ARAP1: variants seen among roughly 807,000 people sequenced by gnomAD.
ARAP1 encodes the protein arf-GAP with Rho-GAP domain, ANK repeat and PH domain-containing protein 1.
A neutral mutation model predicts 172.2 loss-of-function variants in ARAP1; 76 were observed. The ratio of observed to expected loss-of-function variants is 0.44; its 90% CI spans 0.37 to 0.53. The LOEUF (loss-of-function observed/expected upper bound fraction) is 0.53. ARAP1 is among the 20% of genes least tolerant of loss of function. The probability of loss-of-function intolerance (pLI) is 0.00; values close to 1 mark genes in which losing one functional copy is unlikely to be tolerated. For missense variants in ARAP1, 1,686 were observed against 1,977.5 expected (o/e 0.85, Z 2.80); for synonymous variants, 804 against 803.3 (o/e 1.00, Z -0.01).
In ARAP1 at chr11:72,712,458, GTGGTCA is replaced by G; in HGVS notation, c.852_857del (p.Asp285_His286del). ...CTCACTTGGGGACGCCCTCATAGGC[GTGGTCA>G]TCCTCTTCCTCATCCCCTTGGTCGT... On this transcript the variant is annotated inframe_deletion, in exon 6 of 35. Transcript: ENST00000393609. 1.3e-6 allele frequency: 2 copies of G among 1,597,002 alleles called. No homozygotes were observed. Among genetic ancestry groups the G allele is most frequent in the Non-Finnish European group, 1.7e-6 (2 of 1,167,664 alleles).
chr11:72,722,372 C>T, intron 3 of ARAP1: 1 of 985,468 alleles, frequency 1.0e-6, no homozygotes, highest in Non-Finnish European at 1.2e-6. Flanking sequence ...CCAGAATCCC[C>T]CGGGGCAGAC....
chr11:72,703,519 T>C (rs941067055), intron 14 of ARAP1: 4 of 163,820 alleles, frequency 2.4e-5, no homozygotes, highest in African/African-American at 9.6e-5. Context: ...CAGGCTAGAC[T>C]GGGTTGGGCT....
chr11:72,695,913 T>C lies in ARAP1; in HGVS notation c.3273-48A>G. Reference sequence around the variant, plus strand: ...TTTGAGTGAGGAGTCAGGCCAGAGCTTCCCATCTCACCCTATTAATTTCTG... The same window carrying C: ...TTTGAGTGAGGAGTCAGGCCAGAGCCTCCCATCTCACCCTATTAATTTCTG... On this transcript the variant is annotated intron_variant, in intron 23 of 34. Coordinates refer to ENST00000393609, the MANE Select transcript of ARAP1 (RefSeq NM_001040118.3). This position sits in a 1 kb window ranked among gnomAD's most constrained non-coding sequence, Gnocchi z 4.4. 1 of 1,573,482 alleles carries C rather than the reference T, an allele frequency of 6.4e-7. No homozygotes were observed.
chr11:72,707,403 G>A, intron 11 of ARAP1, 29 bp from the exon 12 acceptor site: 1 of 1,589,908 alleles, frequency 6.3e-7, no homozygotes, highest in South Asian at 1.1e-5. Context: ...GGAGATTAGT[G>A]GGGATGGACT....
At chr11:72,701,940 C>A in intron 15 of ARAP1, among the ~76,000 whole-genome samples, 157 bp from the exon 16 acceptor site, 1 of 152,296 alleles carries the variant, frequency 6.6e-6, no homozygotes, top group South Asian at 2.1e-4. Flanking sequence ...CCTGCAGGGT[C>A]TTGTCCAGGC....
intron 1 of ARAP1, among the ~76,000 whole-genome samples, chr11:72,748,206 T>C (rs1387132081): frequency 2.0e-5 from 3 of 152,210 alleles, no homozygotes; most frequent in Non-Finnish European, 4.4e-5. Flanking sequence ...TAGCTACTGC[T>C]ACTATTATTA....
intron 3 of ARAP1, among the ~76,000 whole-genome samples, chr11:72,723,386 C>A (rs760068048): frequency 1.8e-4 from 27 of 152,128 alleles, no homozygotes; most frequent in Non-Finnish European, 2.8e-4. Context: ...TCCCCCTAGG[C>A]CAGGCAGAAT....
rs373029773 is a variant in ARAP1, at chr11:72,705,903, G to A, written c.1724-13C>T. On this transcript the variant is annotated splice_polypyrimidine_tract_variant and intron_variant, in intron 12 of 34. Transcript: ENST00000393609. Reference sequence around the variant, plus strand: ...CCACGGTGCTCCCCTGTAGACACAGGGCCAGACCCAGAATCACCTGGGCCC... The same window carrying A: ...CCACGGTGCTCCCCTGTAGACACAGAGCCAGACCCAGAATCACCTGGGCCC... 1.2e-6 allele frequency: 2 copies of A among 1,613,390 alleles called. No individual in the cohort carries two copies. Among genetic ancestry groups the A allele is most frequent in the African/African-American group, 2.7e-5 (2 of 74,894 alleles).
At position 72,693,118 on chromosome 11, in the gene ARAP1, G is replaced by C. The variant is rs1438352435; in HGVS notation, c.3954+207C>G. On this transcript the variant is annotated intron_variant, in intron 29 of 34. Transcript: ENST00000393609. This position sits in a 1 kb window ranked among gnomAD's most constrained non-coding sequence, Gnocchi z 4.6. ...GTGGTGTGATGGCATCCGGGTGCCA[G>C]GGCTTAGTGGGGCTACAGGGCACAC... The C allele has an allele frequency of 1.3e-6, 1 of 756,678 alleles. No individual in the cohort carries two copies. Among genetic ancestry groups the C allele is most frequent in the Non-Finnish European group, 2.1e-6 (1 of 478,142 alleles). The allele number at this position is 756,678 out of a possible 1,614,324, so 46.9% of individuals were successfully genotyped here. A position where few individuals can be genotyped will look rare whatever the true frequency, so the allele number is the denominator to read the frequency against.
At chr11:72,721,409 A>G (rs1423125737) in intron 3 of ARAP1, among the ~76,000 whole-genome samples, 1 of 152,180 alleles carries the variant, frequency 6.6e-6, no homozygotes, top group Non-Finnish European at 1.5e-5. Flanking sequence ...TGACAGTGAA[A>G]TAAGCCAAAC....
chr11:72,689,880 A>G (rs1042224622), intron 30 of ARAP1, among the ~76,000 whole-genome samples: 4 of 152,188 alleles, frequency 2.6e-5, no homozygotes, highest in Non-Finnish European at 5.9e-5. Context: ...TGGAAGAAAC[A>G]AGATGTGGGG....
intron 19 of ARAP1, 110 bp downstream of exon 19, chr11:72,697,801 G>A: frequency 6.8e-6 from 9 of 1,324,838 alleles, no homozygotes; most frequent in Non-Finnish European, 9.3e-6. Context: ...GGGCAGGATG[G>A]CGGCTCTGGC....
At chr11:72,692,241 C>A (rs1216213923) in intron 30 of ARAP1, among the ~76,000 whole-genome samples, 1 of 152,128 alleles carries the variant, frequency 6.6e-6, no homozygotes, top group East Asian at 1.9e-4. Context: ...GGGATGAGCT[C>A]TCTCTCCTAG....
chr11:72,733,024 A>G (rs1229140165), intron 1 of ARAP1, among the ~76,000 whole-genome samples: 3 of 152,070 alleles, frequency 2.0e-5, no homozygotes, highest in African/African-American at 7.2e-5. Flanking sequence ...GAAGAGGTGG[A>G]AGAAGAGGAA....
At chr11:72,738,943 CA>C (rs1183988239) in intron 1 of ARAP1, among the ~76,000 whole-genome samples, 1 of 152,010 alleles carries the variant, frequency 6.6e-6, no homozygotes, top group East Asian at 1.9e-4. Context: ...GCCCAGTCAC[CA>C]GGTGATACCT....
chr11:72,706,539 G>A (rs1378154596), intron 12 of ARAP1, among the ~76,000 whole-genome samples: 3 of 152,204 alleles, frequency 2.0e-5, no homozygotes. Context: ...TGAACCTTGG[G>A]CTCAACCCTC....
chr11:72,745,596 G>A (rs1031702032), intron 1 of ARAP1, among the ~76,000 whole-genome samples: 25 of 152,024 alleles, frequency 1.6e-4, no homozygotes, highest in African/African-American at 6.0e-4. Flanking sequence ...CAACCCATGA[G>A]GAATGCTGAC....
In ARAP1 at chr11:72,696,592, C is replaced by T; in HGVS notation, c.3229G>A (p.Val1077Ile). ...YRELLVRLPP[V>I]NRATVKALIS... ...AGGGCCTTCACTGTGGCCCGGTTGA[C>T]AGGGGGCAGCCGCACCAGCAGCTCT... is the stretch of plus-strand genomic sequence containing the variant. Residue 1077 changes from valine (V) to isoleucine (I), a missense_variant, in exon 23 of 35, where the codon GTC (valine) becomes ATC (isoleucine). Physicochemically the swap from Val to Ile is conservative, Grantham distance 29. Around this residue, in one of 5 missense-constraint regions of ARAP1, gnomAD observed 274 missense variants for 262.7 expected, o/e 1.04. Transcript: ENST00000393609. The T allele has an allele frequency of 6.2e-7, 1 of 1,604,302 alleles. No homozygotes were observed. The highest frequency in any genetic ancestry group is 1.3e-5 in the African/African-American group (1 of 74,758).
chr11:72,711,459 C>T lies in ARAP1; in HGVS notation c.1063G>A (p.Asp355Asn). ...YQKRWVRLDT[D>N]HLRYFDSNKD... ...TTACTGTCAAAGTATCGCAGGTGAT[C>T]AGTATCCAGTCTCACCCATCGTTTC... The change falls in exon 8 of 35, where the codon GAT becomes AAT. Residue 355 changes from aspartate to asparagine, a missense_variant. Physicochemically the swap from Asp to Asn is conservative, Grantham distance 23 (BLOSUM62 1). Transcript: ENST00000393609. 1 of 1,613,116 alleles carries T rather than the reference C, an allele frequency of 6.2e-7. No homozygotes were observed. Among genetic ancestry groups the T allele is most frequent in the Non-Finnish European group, 8.5e-7 (1 of 1,179,198 alleles).
Sources: gnomAD v4.1 joint callset for allele counts (sites outside exome capture counted in the v4.1 genomes callset) on GRCh38, gnomAD v4.1.1 for gene constraint, gnomAD v4.1.1 regional missense constraint, Gnocchi (gnomAD v3.1) non-coding constraint, MANE v1.5 for transcripts, NCBI Gene and HGNC (gene_info 2026-07-23, HGNC 2026-07-21) for gene names.